The following PCDH15 variants were observed in gnomAD, a reference collection of about 807,000 sequenced individuals.
PCDH15 encodes protocadherin-15.
A neutral mutation model predicts 178.5 loss-of-function variants in PCDH15; 129 were observed. The ratio of observed to expected loss-of-function variants is 0.72; its 90% confidence interval spans 0.63 to 0.84. The LOEUF (loss-of-function observed/expected upper bound fraction) is 0.84. Among genes scored for constraint, PCDH15 ranks in the 40% least tolerant of loss-of-function variants. The pLI, the probability that PCDH15 is intolerant of heterozygous loss-of-function variation, is 0.00. For missense variants in PCDH15, 2,230 were observed against 2,099.9 expected (o/e 1.06, Z -1.21); for synonymous variants, 800 against 732.0 (o/e 1.09, Z -1.50).
intron 2 of PCDH15, among the ~76,000 whole-genome samples, chr10:54,902,119 T>G (rs1253975308): frequency 6.6e-6 from 1 of 152,182 alleles, no homozygotes; most frequent in African/African-American, 2.4e-5. Flanking sequence ...AATGACTGTC[T>G]CATTTATATT....
chr10:55,038,186 C>CA (rs1840782183), intron 2 of PCDH15, among the ~76,000 whole-genome samples: 1 of 151,924 alleles, frequency 6.6e-6, no homozygotes, highest in Admixed American at 6.5e-5. Flanking sequence ...TTCAAAAGAG[C>CA]AAAAAAATAA....
In PCDH15 at chr10:55,510,059, A is replaced by G. The variant is rs117013598; in HGVS notation, c.-156+117566T>C. 8.8e-3 allele frequency among the ~76,000 whole-genome samples: 1,345 copies of G among 152,086 alleles called. 11 individuals carry two copies. Among genetic ancestry groups the G allele is most frequent in the Non-Finnish European group, 0.013 (873 of 67,930 alleles). On this transcript the variant is annotated intron_variant, in intron 2 of 5. Coordinates refer to the PCDH15 transcript ENST00000613346. ...CACTATGACTTTTGCTTCTCATAAT[A>G]TATAACAGATTAACAACAGAGACTT...
At chr10:55,136,034 T>C (rs1168091746) in intron 2 of PCDH15, among the ~76,000 whole-genome samples, 2 of 152,142 alleles carry the variant, frequency 1.3e-5, no homozygotes, top group Non-Finnish European at 2.9e-5. Context: ...GTACAACAAG[T>C]GGTCTAAATG....
chr10:53,883,730 G>T (rs1480806285), intron 26 of PCDH15, among the ~76,000 whole-genome samples: 1 of 152,116 alleles, frequency 6.6e-6, no homozygotes, highest in Non-Finnish European at 1.5e-5. Context: ...CTTTTGTTTT[G>T]TTTGAGATGG....
chr10:54,879,854 T>C (rs557816616), intron 3 of PCDH15, among the ~76,000 whole-genome samples: 11 of 152,094 alleles, frequency 7.2e-5, no homozygotes, highest in African/African-American at 2.6e-4. Context: ...AATATTATAA[T>C]GTCTTGGAGA....
intron 2 of PCDH15, among the ~76,000 whole-genome samples, chr10:55,339,035 A>C (rs1195276600): frequency 1.3e-5 from 2 of 152,134 alleles, no homozygotes; most frequent in Non-Finnish European, 2.9e-5. Context: ...GTGGGTACAA[A>C]AACACAGTTA....
chr10:55,138,310 A>G (rs1838258393), intron 2 of PCDH15, among the ~76,000 whole-genome samples: 1 of 152,138 alleles, frequency 6.6e-6, no homozygotes, highest in East Asian at 1.9e-4. Context: ...TTTACCCTCT[A>G]CTTGTAGACA....
intron 3 of PCDH15, among the ~76,000 whole-genome samples, chr10:54,493,963 A>C (rs1387405858): frequency 6.6e-6 from 1 of 151,990 alleles, no homozygotes; most frequent in Non-Finnish European, 1.5e-5. Flanking sequence ...GGAAATCATC[A>C]TTCTCAGTAA....
chr10:55,261,107 AT>A lies in PCDH15; in HGVS notation c.-156+58491del, dbSNP rs1038319007. Among the ~76,000 whole-genome samples, 35 of 152,312 alleles carry A rather than the reference AT, an allele frequency of 2.3e-4. 1 individual carries two copies. Among genetic ancestry groups the A allele is most frequent in the African/African-American group, 7.7e-4 (32 of 41,570 alleles). On this transcript the variant is annotated intron_variant, in intron 1 of 5. Transcript: ENST00000458638. ...GTGAAATAGTATACCTGGCCATGTT[AT>A]TCTTTCCATGCAACAAATCAAAATT... is the stretch of plus-strand genomic sequence containing the variant.
chr10:54,294,018 C>A (rs1018693655), intron 8 of PCDH15, among the ~76,000 whole-genome samples: 5 of 152,080 alleles, frequency 3.3e-5, no homozygotes, highest in African/African-American at 1.2e-4. Context: ...CACATGCACA[C>A]GTATGTTTAT....
rs545489956 is a variant in PCDH15 at position 55,131,953 on chromosome 10, C to G, written c.-80+34623G>C. On this transcript the variant is annotated intron_variant, in intron 2 of 5. Coordinates refer to the PCDH15 transcript ENST00000458638. ...TCAATAGGGACCTACCCCTTTCCCCCCAGGAGCCTGTCTGCATCCTGCCAC... is the reference window on the plus strand; with the variant it reads ...TCAATAGGGACCTACCCCTTTCCCCGCAGGAGCCTGTCTGCATCCTGCCAC... 1.7e-4 allele frequency among the ~76,000 whole-genome samples: 26 copies of G among 152,264 alleles called. No homozygotes were observed. In the East Asian group the frequency reaches 4.9e-3, roughly 28 times the overall value.
intron 2 of PCDH15, chr10:55,469,056 C>G (rs1246871393): frequency 6.6e-6 from 1 of 151,898 alleles, no homozygotes; most frequent in Non-Finnish European, 1.5e-5. Context: ...ATCAAATTAA[C>G]GTTTTAAGCT....
At chr10:55,005,367 A>C (rs569651452) in intron 2 of PCDH15, among the ~76,000 whole-genome samples, 1 of 152,210 alleles carries the variant, frequency 6.6e-6, no homozygotes, top group East Asian at 1.9e-4. Flanking sequence ...ACATGTTCCA[A>C]GATAAATTAT....
Position 54,600,751 on chromosome 10 carries a change from A to G in PCDH15, c.91+63421T>C. On this transcript the variant is annotated intron_variant, in intron 2 of 37. Coordinates refer to ENST00000644397, the MANE Select transcript of PCDH15 (RefSeq NM_001384140.1). ...AAAATGCATGTGATTGACAGCTTCA[A>G]AACAGAACAGATTCTCCCATAGGGG... 1.6e-5 allele frequency: 8 copies of G among 496,136 alleles called. 1 individual carries two copies. Among genetic ancestry groups the G allele is most frequent in the South Asian group, 1.1e-4 (7 of 62,694 alleles). 30.7% of individuals were successfully genotyped at this position (496,136 alleles called of 1,614,324 possible). A position where few individuals can be genotyped will look rare whatever the true frequency, so the allele number is the denominator to read the frequency against.
rs113773334 is a variant in PCDH15 at position 55,284,873 on chromosome 10, C to T, written c.-156+34726G>A. 8.6e-5 allele frequency among the ~76,000 whole-genome samples: 13 copies of T among 151,926 alleles called. 2 individuals carry two copies. Among genetic ancestry groups the T allele is most frequent in the African/African-American group, 2.4e-4 (10 of 41,492 alleles). ...GAACCATTATATGGTTTATGTAGTG[C>T]TAATGTTTGGCTTCTTCTGAATATT... On this transcript the variant is annotated intron_variant, in intron 1 of 5. Transcript: ENST00000458638.
intron 3 of PCDH15, among the ~76,000 whole-genome samples, chr10:54,864,107 A>G (rs1564581353): frequency 6.6e-6 from 1 of 152,144 alleles, no homozygotes; most frequent in Non-Finnish European, 1.5e-5. Flanking sequence ...TCTTAATATA[A>G]CAGAGGATAT....
At chr10:54,552,318 T>C (rs1364802446) in intron 2 of PCDH15, among the ~76,000 whole-genome samples, 3 of 152,190 alleles carry the variant, frequency 2.0e-5, no homozygotes, top group Non-Finnish European at 2.9e-5. Flanking sequence ...TAGTTCACAG[T>C]TGAAGAAAAG....
intron 10 of PCDH15, among the ~76,000 whole-genome samples, chr10:54,198,629 G>A (rs2049923036): frequency 9.1e-6 from 1 of 109,774 alleles, no homozygotes; most frequent in Non-Finnish European, 1.7e-5. Context: ...AGCCTCCCAA[G>A]TAGTTGGGAC....
chr10:54,246,103 C>T (rs2055895115), intron 8 of PCDH15, among the ~76,000 whole-genome samples: 1 of 151,904 alleles, frequency 6.6e-6, no homozygotes, highest in Non-Finnish European at 1.5e-5. Flanking sequence ...GACATACGCT[C>T]AGAGATGTGT....
Sources: allele counts gnomAD v4.1 joint callset (sites outside exome capture counted in the v4.1 genomes callset), GRCh38; gene constraint gnomAD v4.1.1; transcripts MANE v1.5; gene names NCBI Gene and HGNC (gene_info 2026-07-23, HGNC 2026-07-21).